Variants in OTOF observed in about 807,000 individuals in gnomAD.
The protein encoded by OTOF is otoferlin.
A neutral mutation model predicts 236.8 loss-of-function variants in OTOF; 218 were observed. The ratio of observed to expected loss-of-function variants is 0.92; its 90% CI spans 0.82 to 1.03. The LOEUF (loss-of-function observed/expected upper bound fraction) is 1.03. Ranked by LOEUF, OTOF falls within the 50% of genes least tolerant of loss-of-function variation. The probability of loss-of-function intolerance (pLI) is 0.00; values close to 1 mark genes in which losing one functional copy is unlikely to be tolerated. For missense variants in OTOF, 2,590 were observed against 2,694.4 expected (o/e 0.96, Z 0.86); for synonymous variants, 1,041 against 1,072.5 (o/e 0.97, Z 0.57).
At chr2:26,527,476 C>T (rs1247808043) in intron 3 of OTOF, among the ~76,000 whole-genome samples, 1 of 152,220 alleles carries the variant, frequency 6.6e-6, no homozygotes, top group Non-Finnish European at 1.5e-5. Context: ...TCAGCCCCTC[C>T]ACCTTTCGCC....
chr2:26,512,302 T>C (rs1316891601), intron 5 of OTOF, among the ~76,000 whole-genome samples: 1 of 152,206 alleles, frequency 6.6e-6, no homozygotes, highest in Non-Finnish European at 1.5e-5. Flanking sequence ...ATTTCTTTCT[T>C]TGTCCTCTCT....
intron 2 of OTOF, among the ~76,000 whole-genome samples, chr2:26,536,760 A>G (rs1667081076): frequency 6.6e-6 from 1 of 152,190 alleles, no homozygotes; most frequent in Non-Finnish European, 1.5e-5. Context: ...GAGGGTCACT[A>G]CATGGCTTCC....
At chr2:26,521,074 T>G (rs1468790826) in intron 3 of OTOF, among the ~76,000 whole-genome samples, 3 of 152,174 alleles carry the variant, frequency 2.0e-5, no homozygotes, top group Admixed American at 6.5e-5. Context: ...CCACCGGACT[T>G]CAGTTCACAC....
intron 1 of OTOF, among the ~76,000 whole-genome samples, chr2:26,548,826 CACACAATG>C (rs943594765): frequency 5.9e-5 from 9 of 152,280 alleles, no homozygotes; most frequent in Admixed American, 3.3e-4. Flanking sequence ...CTATGATGTT[CACACAATG>C]ACACAATCGC....
At chr2:26,529,432 CATTT>C (rs1271337447) in intron 2 of OTOF, among the ~76,000 whole-genome samples, 1 of 152,202 alleles carries the variant, frequency 6.6e-6, no homozygotes, top group Non-Finnish European at 1.5e-5. Context: ...CATATTCATT[CATTT>C]AGTCTTTCCA....
At chr2:26,510,781 G>A in intron 5 of OTOF, 1 of 1,275,922 alleles carries the variant, frequency 7.8e-7, no homozygotes, top group African/African-American at 1.5e-5. Flanking sequence ...GGAGACAAGG[G>A]GACACGTGTG....
chr2:26,460,136 C>T lies in OTOF; in HGVS notation c.5883G>A (p.Thr1961=), dbSNP rs370716879. ...LKSARYFLWH[T]YRWLLLKLLL... ...ACAGTTTGAGGAGCAGCCAGCGATA[C>T]GTGTGCCACAAGAAGTAGCGAGCCG... Residue 1961 remains threonine (T), a synonymous_variant, in exon 46 of 47, where the codon ACG becomes ACA. Transcript: ENST00000272371. This position sits in a 1 kb window ranked among gnomAD's most constrained non-coding sequence, Gnocchi z 5.3. 4.4e-6 allele frequency: 7 copies of T among 1,600,392 alleles called. No individual in the cohort carries two copies. The highest frequency in any genetic ancestry group is 2.3e-5 in the South Asian group (2 of 88,520).
chr2:26,489,750 G>T lies in OTOF; in HGVS notation c.898-10C>A, dbSNP rs375542050. On this transcript the variant is annotated splice_polypyrimidine_tract_variant and intron_variant, in intron 9 of 46. Transcript: ENST00000272371. ...AGTCGAAGACGAAGTACTGGAGGGG[G>T]AAGGATCCAGGCCTGCTGTCACTGA... 5.6e-6 allele frequency: 9 copies of T among 1,609,596 alleles called. No individual in the cohort carries two copies. The highest frequency in any genetic ancestry group is 7.6e-6 in the Non-Finnish European group (9 of 1,176,896).
rs1385095446 is a variant in OTOF at position 26,460,057 on chromosome 2, C to T, written c.5962G>A (p.Gly1988Ser). The T allele has an allele frequency of 1.3e-6, 2 of 1,573,436 alleles. No homozygotes were observed. Among genetic ancestry groups the T allele is most frequent in the Non-Finnish European group, 1.7e-6 (2 of 1,159,484 alleles). ...LLALFLYSVP[G>S]YLVKKILGA Reference sequence around the variant, plus strand: ...CCGAGGATTTTCTTGACCAGGTAGCCAGGCACAGAGTAGAGGAACAGGGCG... The same window carrying T: ...CCGAGGATTTTCTTGACCAGGTAGCTAGGCACAGAGTAGAGGAACAGGGCG... Residue 1988 changes from glycine to serine, a missense_variant, in exon 46 of 47, where the codon GGC becomes AGC. By Grantham distance (56) the Gly-to-Ser change is moderately conservative. This residue lies in a region of OTOF where 1,211 missense variants were observed against 1,352.8 expected (regional missense o/e 0.90). Transcript: ENST00000272371. The surrounding 1 kb of genome is among the most constrained non-coding windows in gnomAD (Gnocchi z 5.3).
intron 46 of OTOF, 92 bp from the exon 47 acceptor site, chr2:26,458,312 C>T: frequency 1.5e-6 from 2 of 1,298,836 alleles, no homozygotes; most frequent in Non-Finnish European, 2.2e-6. Flanking sequence ...CCCCAAAAGC[C>T]CTGCCATGGC....
chr2:26,505,143 G>A (rs1381592389), intron 5 of OTOF, among the ~76,000 whole-genome samples: 1 of 152,102 alleles, frequency 6.6e-6, no homozygotes, highest in African/African-American at 2.4e-5. Flanking sequence ...CTGTTCATAT[G>A]CAGGACAAAG....
At chr2:26,527,791 C>A in intron 3 of OTOF, 41 bp downstream of exon 3, 1 of 1,443,554 alleles carries the variant, frequency 6.9e-7, no homozygotes, top group Non-Finnish European at 9.8e-7. Context: ...AGGCTCCCAG[C>A]CCGTCCAGGC....
chr2:26,477,059 T>TGGGGGTGGGGGGGG lies in OTOF; in HGVS notation c.2524-17_2524-16insCCCCCCCCACCCCC. On this transcript the variant is annotated splice_polypyrimidine_tract_variant and intron_variant, in intron 21 of 46. Transcript: ENST00000272371. The surrounding 1 kb of genome is among the most constrained non-coding windows in gnomAD (Gnocchi z 4.7). ...TGTGCTGGGGCTGGGGGTTGGGGGG[T>TGGGGGTGGGGGGGG]GGCCAGGGGCAGTGGGTAAGGGGGT... 1 of 828,540 alleles carries TGGGGGTGGGGGGGG rather than the reference T, an allele frequency of 1.2e-6. No homozygotes were observed. Among genetic ancestry groups the TGGGGGTGGGGGGGG allele is most frequent in the Non-Finnish European group, 1.9e-6 (1 of 520,122 alleles). The allele number at this position is 828,540 out of a possible 1,614,324, so 51.3% of individuals were successfully genotyped here. A position where few individuals can be genotyped will look rare whatever the true frequency, so the allele number is the denominator to read the frequency against.
rs375084445 is a variant in OTOF at position 26,466,702 on chromosome 2, C to T, written c.4500+12G>A. 4.8e-5 allele frequency: 77 copies of T among 1,614,074 alleles called. No individual in the cohort carries two copies. The East Asian group carries it at 5.3e-4, about 11-fold the overall frequency. ...GGAGACTTGCAAGGAGGGAAAGCGACGGGAGTCTCACCCGGACCACATAGA... is the reference window on the plus strand; with the variant it reads ...GGAGACTTGCAAGGAGGGAAAGCGATGGGAGTCTCACCCGGACCACATAGA... On this transcript the variant is annotated intron_variant, in intron 36 of 46. Transcript: ENST00000272371.
At chr2:26,487,264 G>A (rs1665722944) in intron 11 of OTOF, among the ~76,000 whole-genome samples, 1 of 152,152 alleles carries the variant, frequency 6.6e-6, no homozygotes. Context: ...TCATCAAGAA[G>A]TTCAGGCCAA....
chr2:26,513,292 G>A (rs1166992278), intron 5 of OTOF, among the ~76,000 whole-genome samples: 1 of 152,208 alleles, frequency 6.6e-6, no homozygotes, highest in Non-Finnish European at 1.5e-5. Context: ...GACCCCCAGA[G>A]TGAGGACAGG....
rs1032661491 is a variant in OTOF, at chr2:26,462,807, G to C, written c.5193-626C>G. Among the ~76,000 whole-genome samples the C allele has an allele frequency of 6.6e-6, 1 of 152,244 alleles. No homozygotes were observed. Among genetic ancestry groups the C allele is most frequent in the Non-Finnish European group, 1.5e-5 (1 of 68,042 alleles). On this transcript the variant is annotated intron_variant, in intron 41 of 46. Transcript: ENST00000272371. The surrounding 1 kb of genome is among the most constrained non-coding windows in gnomAD (Gnocchi z 4.7). ...GGTCACTTGTCATAAAGAATTTCAA[G>C]ATGGCAACATAGGAGCATGGAAACA...
intron 15 of OTOF, among the ~76,000 whole-genome samples, chr2:26,480,563 T>C (rs1309267617): frequency 1.3e-5 from 2 of 152,196 alleles, no homozygotes; most frequent in Non-Finnish European, 2.9e-5. Flanking sequence ...TCGTGAGACC[T>C]GGCGGCCGTT....
intron 1 of OTOF, among the ~76,000 whole-genome samples, chr2:26,550,636 G>C (rs188303760): frequency 6.6e-6 from 1 of 152,170 alleles, no homozygotes; most frequent in East Asian, 1.9e-4. Context: ...CCCTGGGTCC[G>C]CGGTGGTCCC....
Sources: allele counts gnomAD v4.1 joint callset (sites outside exome capture counted in the v4.1 genomes callset), GRCh38; gene constraint gnomAD v4.1.1; regional missense constraint gnomAD v4.1.1; non-coding constraint Gnocchi (gnomAD v3.1); transcripts MANE v1.5; gene names NCBI Gene and HGNC (gene_info 2026-07-23, HGNC 2026-07-21).